Variants in SLC8A1 observed in about 807,000 individuals in gnomAD.
SLC8A1 encodes solute carrier family 8 member A1.
In SLC8A1, 18 loss-of-function variants were observed where a neutral mutation model predicts 68.3. The ratio of observed to expected loss-of-function variants is 0.26; its 90% CI spans 0.18 to 0.39. SLC8A1 has a LOEUF of 0.39. SLC8A1 is among the 10% of genes least tolerant of loss of function. The pLI, the probability that SLC8A1 is intolerant of heterozygous loss-of-function variation, is 1.00. For missense variants in SLC8A1, 985 were observed against 1,156.7 expected (o/e 0.85, Z 2.15); for synonymous variants, 475 against 415.5 (o/e 1.14, Z -1.74).
At chr2:40,295,431 CATA>C (rs1019003348) in intron 2 of SLC8A1, among the ~76,000 whole-genome samples, 3 of 152,172 alleles carry the variant, frequency 2.0e-5, no homozygotes, top group South Asian at 2.1e-4. Flanking sequence ...ATGTAAAAAT[CATA>C]ATAAAAGTTA....
chr2:40,448,085 A>G (rs1411593724), intron 1 of SLC8A1, among the ~76,000 whole-genome samples: 6 of 152,266 alleles, frequency 3.9e-5, no homozygotes. Flanking sequence ...TGAGGCAGCA[A>G]GGACTACGAG....
At chr2:40,408,892 T>A (rs1271159425) in intron 2 of SLC8A1, among the ~76,000 whole-genome samples, 1 of 151,284 alleles carries the variant, frequency 6.6e-6, no homozygotes, top group African/African-American at 2.4e-5. Flanking sequence ...AGAAAAAAAA[T>A]ATAGCCATAA....
chr2:40,364,463 A>T (rs1211572152), intron 2 of SLC8A1, among the ~76,000 whole-genome samples: 1 of 150,502 alleles, frequency 6.6e-6, no homozygotes, highest in African/African-American at 2.5e-5. Context: ...AAAAAAAACA[A>T]TTAGAAGATT....
intron 6 of SLC8A1, among the ~76,000 whole-genome samples, chr2:40,157,608 G>A (rs1457787294): frequency 1.3e-5 from 2 of 152,070 alleles, no homozygotes; most frequent in Admixed American, 6.6e-5. Context: ...TTTTAGAGTC[G>A]ACTCACCATT....
chr2:40,378,061 T>C (rs558707010), intron 2 of SLC8A1, among the ~76,000 whole-genome samples: 2 of 152,272 alleles, frequency 1.3e-5, no homozygotes, highest in South Asian at 4.1e-4. Flanking sequence ...CTGTATGCAA[T>C]GCGTTGTTCT....
chr2:40,479,728 C>T (rs1400984272), intron 1 of SLC8A1, among the ~76,000 whole-genome samples: 4 of 152,184 alleles, frequency 2.6e-5, no homozygotes, highest in South Asian at 2.1e-4. Flanking sequence ...ATCTCAGCTT[C>T]GGCAACAAGG....
intron 2 of SLC8A1, among the ~76,000 whole-genome samples, chr2:40,244,184 C>T (rs990842471): frequency 2.0e-5 from 3 of 152,118 alleles, no homozygotes; most frequent in Admixed American, 6.5e-5. Flanking sequence ...TATCTCCTCA[C>T]TAGGGGGTTA....
intron 1 of SLC8A1, among the ~76,000 whole-genome samples, chr2:40,443,440 T>C (rs552312523): frequency 6.6e-6 from 1 of 152,022 alleles, no homozygotes; most frequent in Non-Finnish European, 1.5e-5. Context: ...AGCCAAAAGG[T>C]TGTTGAATTG....
intron 2 of SLC8A1, among the ~76,000 whole-genome samples, chr2:40,286,227 C>G (rs920885740): frequency 4.6e-5 from 7 of 152,142 alleles, no homozygotes; most frequent in African/African-American, 1.7e-4. Flanking sequence ...TCCATTTTAT[C>G]TTCAAGAGAA....
At chr2:40,352,720 T>G (rs1671475100) in intron 2 of SLC8A1, among the ~76,000 whole-genome samples, 1 of 152,186 alleles carries the variant, frequency 6.6e-6, no homozygotes, top group African/African-American at 2.4e-5. Flanking sequence ...ACTGAGGCAG[T>G]CACATTTTAG....
chr2:40,291,885 C>T (rs1324141713), intron 2 of SLC8A1, among the ~76,000 whole-genome samples: 1 of 150,844 alleles, frequency 6.6e-6, no homozygotes, highest in Non-Finnish European at 1.5e-5. Context: ...ACCCTGAGTG[C>T]TGGACAAGAC....
At chr2:40,194,122 A>T (rs757771546) in intron 2 of SLC8A1, among the ~76,000 whole-genome samples, 1 of 152,138 alleles carries the variant, frequency 6.6e-6, no homozygotes, top group Non-Finnish European at 1.5e-5. Flanking sequence ...CCTGATTTTC[A>T]TGAAAAGAAA....
intron 1 of SLC8A1, among the ~76,000 whole-genome samples, chr2:40,486,416 C>T (rs1028835519): frequency 6.6e-6 from 1 of 152,174 alleles, no homozygotes; most frequent in Non-Finnish European, 1.5e-5. Context: ...CACAGTAGAA[C>T]TTATTTCAGC....
chr2:40,466,270 A>G (rs528000838), intron 1 of SLC8A1, among the ~76,000 whole-genome samples: 19 of 152,224 alleles, frequency 1.2e-4, no homozygotes, highest in Non-Finnish European at 2.6e-4. Flanking sequence ...TGACATTGAC[A>G]TTTAACAATA....
chr2:40,308,870 G>C (rs1316759174), intron 2 of SLC8A1, among the ~76,000 whole-genome samples: 1 of 152,098 alleles, frequency 6.6e-6, no homozygotes, highest in Non-Finnish European at 1.5e-5. Flanking sequence ...AATAGGACTT[G>C]CTCTCAGCAT....
At chr2:40,455,720 T>C (rs1425761292), upstream of SLC8A1, among the ~76,000 whole-genome samples, 1 of 152,202 alleles carries the variant, frequency 6.6e-6, no homozygotes, top group Non-Finnish European at 1.5e-5. Context: ...TTGAGAATTC[T>C]TTGTTGACTT....
chr2:40,387,655 G>A lies in SLC8A1; in HGVS notation c.1808+40818C>T, dbSNP rs569223247. ...GAGGATATTAACTTGGGGTACTTAA[G>A]AATTAGTTGTGGTGGCTCATGCCTG... On this transcript the variant is annotated intron_variant, in intron 2 of 7. Coordinates refer to ENST00000406785, the Ensembl canonical transcript of SLC8A1. Among the ~76,000 whole-genome samples, 3 of 151,344 alleles carry A rather than the reference G, an allele frequency of 2.0e-5. 1 individual carries two copies. The highest frequency in any genetic ancestry group is 7.4e-5 in the African/African-American group (3 of 40,798).
exon 2 of SLC8A1, chr2:40,429,900 C>T: frequency 1.9e-6 from 3 of 1,613,520 alleles, no homozygotes; most frequent in Non-Finnish European, 2.5e-6. Flanking sequence ...TCCAGATCCT[C>T]ACAGTTGTCT....
At chr2:40,112,163 T>A (rs1271489782) in exon 8 of SLC8A1, 1 of 152,712 alleles carries the variant, frequency 6.5e-6, no homozygotes, top group Non-Finnish European at 1.5e-5. Flanking sequence ...TTGGTTTTTA[T>A]TTCTTCAAAA....
Sources: allele counts gnomAD v4.1 joint callset (sites outside exome capture counted in the v4.1 genomes callset), GRCh38; gene constraint gnomAD v4.1.1; transcripts MANE v1.5; gene names NCBI Gene and HGNC (gene_info 2026-07-23, HGNC 2026-07-21).